The following ZBTB21 variants were observed in gnomAD, a reference collection of about 807,000 sequenced individuals.
ZBTB21 encodes zinc finger and BTB domain containing 21.
In ZBTB21, 10 loss-of-function variants were observed where a neutral mutation model predicts 39.8. The observed-to-expected ratio is 0.25, with a 90% confidence interval of 0.16 to 0.43. The LOEUF (loss-of-function observed/expected upper bound fraction) is 0.43. Ranked by LOEUF, ZBTB21 falls within the 20% of genes least tolerant of loss-of-function variation. The pLI is 1.00. For synonymous variants in ZBTB21, 551 were observed against 498.8 expected (o/e 1.10, Z -1.40); for missense variants, 1,221 against 1,296.3 (o/e 0.94, Z 0.89).
In ZBTB21 at chr21:41,991,165, A is replaced by G. The variant is rs1301323224; in HGVS notation, c.2931T>C (p.Val977=). ...SAHKESEVCP[V]PTNSPSPPPL... ...GTGGTGGAGAGGGAGAGTTTGTGGG[A>G]ACAGGGCACACCTCAGATTCCTTAT... Residue 977 remains valine, a synonymous_variant, in exon 3 of 3, where the codon GTT becomes GTC. Coordinates refer to ENST00000310826, the MANE Select transcript of ZBTB21 (RefSeq NM_001098402.2). This position sits in a 1 kb window ranked among gnomAD's most constrained non-coding sequence, Gnocchi z 4.9. 4 of 1,614,000 alleles carry G rather than the reference A, an allele frequency of 2.5e-6. No individual in the cohort carries two copies. The African/African-American group carries it at 5.3e-5, about 22-fold the overall frequency.
At position 41,992,541 on chromosome 21, in the gene ZBTB21, G is replaced by A. The variant is rs369562728; in HGVS notation, c.1555C>T (p.Leu519Phe). ...GAATCTGGAAAATCTGCATCAAGGA[G>A]AGTAGGGCTTGAGCCTTCCTCAAAA... Reference protein sequence around the residue: ...DNFEEGSSPTLLDADFPDSDL... With the variant: ...DNFEEGSSPTFLDADFPDSDL... The change falls in exon 3 of 3, where the codon CTC becomes TTC. Residue 519 changes from leucine to phenylalanine, a missense_variant. Physicochemically the swap from Leu to Phe is conservative, Grantham distance 22 (BLOSUM62 0). This residue lies in a region of ZBTB21 where 500 missense variants were observed against 465.6 expected (regional missense o/e 1.07). Transcript: ENST00000310826. The surrounding 1 kb of genome is among the most constrained non-coding windows in gnomAD (Gnocchi z 4.1). The A allele has an allele frequency of 4.0e-5, 64 of 1,614,116 alleles. No homozygotes were observed. The highest frequency in any genetic ancestry group is 1.5e-4 in the Admixed American group (9 of 60,012).
At chr21:41,994,825 G>A (rs62216706) in intron 2 of ZBTB21, among the ~76,000 whole-genome samples, 37,510 of 150,184 alleles carry the variant, frequency 0.25, 4,772 homozygotes, top group African/African-American at 0.3. Context: ...TTCCCACGTC[G>A]TGGGAGGGAC....
intron 1 of ZBTB21, among the ~76,000 whole-genome samples, 189 bp downstream of exon 1, chr21:42,010,063 A>G (rs977023657): frequency 1.3e-5 from 2 of 152,356 alleles, no homozygotes; most frequent in East Asian, 3.9e-4. Context: ...AACCCGGGAC[A>G]TGCTCGGTGA....
In ZBTB21 at chr21:41,990,429, C is replaced by G. The variant is rs1379609422; in HGVS notation, c.*466G>C. ...ATTTATCTTTTATTGCTAAAGTAGT[C>G]TAAGATATAAATCAATACTGCAAAC... On this transcript the variant is annotated 3_prime_UTR_variant, in exon 3 of 3. Coordinates refer to ENST00000310826, the MANE Select transcript of ZBTB21 (RefSeq NM_001098402.2). 6.5e-6 allele frequency: 1 copy of G among 152,694 alleles called. No individual in the cohort carries two copies. Among genetic ancestry groups the G allele is most frequent in the African/African-American group, 2.4e-5 (1 of 41,418 alleles). 9.5% of individuals were successfully genotyped at this position (152,694 alleles called of 1,614,324 possible).
At position 41,991,462 on chromosome 21, in the gene ZBTB21, G is replaced by C. The variant is rs774054260; in HGVS notation, c.2634C>G (p.Val878=). 10 of 1,613,972 alleles carry C rather than the reference G, an allele frequency of 6.2e-6. No individual in the cohort carries two copies. The highest frequency in any genetic ancestry group is 5.1e-6 in the Non-Finnish European group (6 of 1,180,040). The change falls in exon 3 of 3, where the codon GTC becomes GTG. Residue 878 remains valine (V), a synonymous_variant. Coordinates refer to ENST00000310826, the MANE Select transcript of ZBTB21 (RefSeq NM_001098402.2). This position sits in a 1 kb window ranked among gnomAD's most constrained non-coding sequence, Gnocchi z 4.9. ...CAGCCTCCTCCACAGGCTCCTCTTT[G>C]ACTTGGATTTTCAGTTGCTTGGAAA... The part of the protein sequence containing the change: ...LSLSKQLKIQ[V]KEEPVEEAEE...
At chr21:42,003,313 G>A (rs1348459200) in intron 1 of ZBTB21, among the ~76,000 whole-genome samples, 2 of 152,220 alleles carry the variant, frequency 1.3e-5, no homozygotes, top group Non-Finnish European at 2.9e-5. Context: ...ATCACAAGAG[G>A]TGCTGGTGAT....
chr21:41,990,816 A>G lies in ZBTB21; in HGVS notation c.*79T>C, dbSNP rs192659705. 3 of 1,320,186 alleles carry G rather than the reference A, an allele frequency of 2.3e-6. No homozygotes were observed. Among genetic ancestry groups the G allele is most frequent in the Admixed American group, 5.5e-5 (2 of 36,040 alleles). 81.8% of individuals were successfully genotyped at this position (1,320,186 alleles called of 1,614,324 possible). On this transcript the variant is annotated 3_prime_UTR_variant, in exon 3 of 3. Coordinates refer to ENST00000310826, the MANE Select transcript of ZBTB21 (RefSeq NM_001098402.2). ...CCTTTATTATTCTTGTTTAAAAAAT[A>G]TTTTGTTTCTTATGACACATTTCAC... is the stretch of plus-strand genomic sequence containing the variant.
intron 1 of ZBTB21, chr21:42,009,205 T>C (rs555284624): frequency 6.6e-6 from 1 of 152,150 alleles, no homozygotes. Context: ...CCGGGGCACC[T>C]GTCTAAAAAC....
chr21:41,995,861 G>A (rs973167450), intron 2 of ZBTB21, among the ~76,000 whole-genome samples: 4 of 152,202 alleles, frequency 2.6e-5, no homozygotes, highest in Non-Finnish European at 4.4e-5. Flanking sequence ...GGCTGAAAGG[G>A]GCCAAGGTAC....
intron 2 of ZBTB21, among the ~76,000 whole-genome samples, chr21:41,995,234 G>A (rs4499529): frequency 0.22 from 33,529 of 152,132 alleles, 3,821 homozygotes; most frequent in Non-Finnish European, 0.24. Flanking sequence ...GAAGAAGACA[G>A]GAAAATGTGG....
In ZBTB21 at chr21:41,993,951, C is replaced by G; in HGVS notation, c.145G>C (p.Ala49Pro). The part of the protein sequence containing the change: ...QKFRAHKNVL[A>P]ASSEYFQSLF... ...CTCTGAAAGTATTCGCTGCTGGCAG[C>G]CAAGACGTTTTTATGAGCTCGGAAC... The change falls in exon 3 of 3, where the codon GCT becomes CCT. Residue 49 changes from alanine (A) to proline (P), a missense_variant. Coordinates refer to ENST00000310826, the MANE Select transcript of ZBTB21 (RefSeq NM_001098402.2). 6.2e-7 allele frequency: 1 copy of G among 1,614,238 alleles called. No homozygotes were observed. The highest frequency in any genetic ancestry group is 8.5e-7 in the Non-Finnish European group (1 of 1,180,048).
At position 41,989,550 on chromosome 21, in the gene ZBTB21, T is replaced by C. The variant is rs969075691; in HGVS notation, c.*1345A>G. The C allele has an allele frequency of 2.0e-5, 3 of 152,008 alleles. No homozygotes were observed. The highest frequency in any genetic ancestry group is 7.2e-5 in the African/African-American group (3 of 41,394). 9.4% of individuals were successfully genotyped at this position (152,008 alleles called of 1,614,324 possible). A position where few individuals can be genotyped will look rare whatever the true frequency, so the allele number is the denominator to read the frequency against. On this transcript the variant is annotated 3_prime_UTR_variant, in exon 3 of 3. Transcript: ENST00000310826. The stretch of plus-strand genomic sequence containing the variant: ...TAAAAGTTTTCCCTTTTGAAACACA[T>C]TGAACTTTGGATATCCTACTGAAAG...
chr21:41,987,630 T>C lies in ZBTB21; in HGVS notation c.*3265A>G, dbSNP rs184113877. On this transcript the variant is annotated 3_prime_UTR_variant, in exon 3 of 3. Transcript: ENST00000310826. ...TAGATACAATTTATACAGAAATCTATTTGGAATTATACCTAATTACTTTTT... is the reference window on the plus strand; with the variant it reads ...TAGATACAATTTATACAGAAATCTACTTGGAATTATACCTAATTACTTTTT... The C allele has an allele frequency of 2.0e-5, 3 of 152,334 alleles. No homozygotes were observed. The highest frequency in any genetic ancestry group is 4.8e-5 in the African/African-American group (2 of 41,582). The allele number at this position is 152,334 out of a possible 1,614,324, so 9.4% of individuals were successfully genotyped here.
rs536399893 is a variant in ZBTB21 at position 42,006,378 on chromosome 21, A to G, written c.-78-3417T>C. 2.0e-5 allele frequency among the ~76,000 whole-genome samples: 3 copies of G among 151,472 alleles called. No individual in the cohort carries two copies. The East Asian group carries it at 5.8e-4, about 29-fold the overall frequency. On this transcript the variant is annotated intron_variant, in intron 1 of 2. Coordinates refer to ENST00000310826, the MANE Select transcript of ZBTB21 (RefSeq NM_001098402.2). ...TGCAGTGAGCTGAGATCGTGCCACTACACTCCAGTCACCACTGGGTGACAG... is the reference window on the plus strand; with the variant it reads ...TGCAGTGAGCTGAGATCGTGCCACTGCACTCCAGTCACCACTGGGTGACAG...
intron 1 of ZBTB21, chr21:42,009,584 G>A (rs1378749675): frequency 1.3e-5 from 2 of 152,640 alleles, no homozygotes; most frequent in Non-Finnish European, 1.5e-5. Flanking sequence ...TCCCAGACAA[G>A]GTCTGCGGGG....
rs537627141 is a variant in ZBTB21, at chr21:42,010,185, G to A, written c.-79+67C>T. Reference sequence around the variant, plus strand: ...TACGTCAGGAAAGGCCGCGTTTTGCGGGGAGGCTGTAGCCTCCCAAGGAGC... The same window carrying A: ...TACGTCAGGAAAGGCCGCGTTTTGCAGGGAGGCTGTAGCCTCCCAAGGAGC... On this transcript the variant is annotated intron_variant, in intron 1 of 2. Coordinates refer to ENST00000310826, the MANE Select transcript of ZBTB21 (RefSeq NM_001098402.2). The A allele has an allele frequency of 3.6e-3, 1,405 of 394,002 alleles. 8 individuals carry two copies. Among genetic ancestry groups the A allele is most frequent in the Non-Finnish European group, 4.4e-3 (976 of 223,260 alleles). 24.4% of individuals were successfully genotyped at this position (394,002 alleles called of 1,614,324 possible). A position where few individuals can be genotyped will look rare whatever the true frequency, so the allele number is the denominator to read the frequency against.
intron 2 of ZBTB21, among the ~76,000 whole-genome samples, chr21:41,994,644 G>A (rs976466405): frequency 1.3e-5 from 2 of 152,164 alleles, no homozygotes; most frequent in Non-Finnish European, 2.9e-5. Context: ...CACCCAGGCT[G>A]GAGTGCAGTG....
Position 41,992,311 on chromosome 21 carries a change from C to G in ZBTB21, c.1785G>C (p.Gln595His). The change falls in exon 3 of 3, where the codon CAG (glutamine) becomes CAC (histidine). Residue 595 changes from glutamine (Q) to histidine (H), a missense_variant. This residue lies in a region of ZBTB21 where 90 missense variants were observed against 133.1 expected (regional missense o/e 0.68). Coordinates refer to ENST00000310826, the MANE Select transcript of ZBTB21 (RefSeq NM_001098402.2). This position sits in a 1 kb window ranked among gnomAD's most constrained non-coding sequence, Gnocchi z 4.1. ...HTNFKVWTHC[Q>H]TQHGIVKNPS... The stretch of plus-strand genomic sequence containing the variant: ...GGTTCTTCACTATGCCGTGTTGGGT[C>G]TGACAGTGTGTCCACACTTTGAAGT... The G allele has an allele frequency of 6.2e-7, 1 of 1,614,172 alleles. No individual in the cohort carries two copies. Among genetic ancestry groups the G allele is most frequent in the Non-Finnish European group, 8.5e-7 (1 of 1,180,046 alleles).
intron 2 of ZBTB21, among the ~76,000 whole-genome samples, chr21:41,998,337 G>A (rs952023624): frequency 7.2e-5 from 11 of 151,742 alleles, no homozygotes; most frequent in African/African-American, 1.9e-4. Flanking sequence ...GATTACAGGC[G>A]TGCACCACCA....
Sources: allele counts gnomAD v4.1 joint callset (sites outside exome capture counted in the v4.1 genomes callset), GRCh38; gene constraint gnomAD v4.1.1; regional missense constraint gnomAD v4.1.1; non-coding constraint Gnocchi (gnomAD v3.1); transcripts MANE v1.5; gene names NCBI Gene and HGNC (gene_info 2026-07-23, HGNC 2026-07-21).